Variants in RTKN2 observed in about 807,000 individuals in gnomAD.
The protein encoded by RTKN2 is rhotekin 2.
In RTKN2, 69 loss-of-function variants were observed where a neutral mutation model predicts 71.5. The observed-to-expected ratio is 0.96, with a 90% confidence interval of 0.79 to 1.18. RTKN2 has a LOEUF of 1.18. Ranked by LOEUF, RTKN2 falls within the 50% of genes most tolerant of loss-of-function variation. The pLI, the probability that RTKN2 is intolerant of heterozygous loss-of-function variation, is 0.00. For missense variants in RTKN2, 724 were observed against 719.7 expected (o/e 1.01, Z -0.07); for synonymous variants, 236 against 236.5 (o/e 1.00, Z 0.02).
intron 7 of RTKN2, 116 bp downstream of exon 7, chr10:62,223,122 C>A (rs1017704087): frequency 2.2e-5 from 12 of 546,434 alleles, no homozygotes; most frequent in Non-Finnish European, 3.9e-5. Flanking sequence ...TTTTAAAGAA[C>A]CAACAGAATC....
chr10:62,184,280 T>C, exon 9 of RTKN2: 1 of 1,258,990 alleles, frequency 7.9e-7, no homozygotes, highest in Non-Finnish European at 1.1e-6. Flanking sequence ...TCACATTGTA[T>C]TTTAAATTTT....
In RTKN2 at chr10:62,265,576, GTTT is replaced by G. The variant is rs11403722; in HGVS notation, c.61-2758_61-2756del. The stretch of plus-strand genomic sequence containing the variant: ...GTTTTCAATGTATTCTGAGCTGTTG[GTTT>G]TTTTTTTTTTCTTAAGGCTACTGTT... On this transcript the variant is annotated intron_variant, in intron 1 of 11. Transcript: ENST00000373789. Among the ~76,000 whole-genome samples, 3 of 146,464 alleles carry G rather than the reference GTTT, an allele frequency of 2.0e-5. No homozygotes were observed. In the South Asian group the frequency reaches 6.5e-4, roughly 31 times the overall value.
At chr10:62,243,080 C>A (rs184370365) in intron 3 of RTKN2, among the ~76,000 whole-genome samples, 1 of 150,454 alleles carries the variant, frequency 6.6e-6, no homozygotes, top group East Asian at 2.0e-4. Flanking sequence ...TATGCTGCAC[C>A]CATTAACTCA....
chr10:62,196,508 A>C lies in RTKN2; in HGVS notation c.*1400T>G. The C allele has an allele frequency of 1.0e-6, 1 of 985,388 alleles. No individual in the cohort carries two copies. Among genetic ancestry groups the C allele is most frequent in the African/African-American group, 1.7e-5 (1 of 57,380 alleles). The allele number at this position is 985,388 out of a possible 1,614,324, so 61.0% of individuals were successfully genotyped here. Reference sequence around the variant, plus strand: ...TAAATGGAAAAGACCCCGCTATCTGAAAATAATGAAAGGCTCCATTTAAAT... The same window carrying C: ...TAAATGGAAAAGACCCCGCTATCTGCAAATAATGAAAGGCTCCATTTAAAT... On this transcript the variant is annotated 3_prime_UTR_variant, in exon 12 of 12. Coordinates refer to ENST00000373789, the MANE Select transcript of RTKN2 (RefSeq NM_145307.4).
chr10:62,243,031 G>A (rs992410200), intron 3 of RTKN2, among the ~76,000 whole-genome samples: 6 of 151,420 alleles, frequency 4.0e-5, no homozygotes, highest in South Asian at 2.1e-4. Flanking sequence ...TGTGCACGAC[G>A]TGCAGGTTTG....
At chr10:62,246,255 C>G (rs953773655) in intron 2 of RTKN2, among the ~76,000 whole-genome samples, 198 bp from the exon 3 acceptor site, 3 of 152,230 alleles carry the variant, frequency 2.0e-5, no homozygotes, top group Middle Eastern at 3.4e-3. Flanking sequence ...TCTGGAGCCA[C>G]TCCCGATTTT....
intron 2 of RTKN2, 137 bp from the exon 3 acceptor site, chr10:62,246,194 T>C: frequency 1.7e-6 from 1 of 590,330 alleles, no homozygotes; most frequent in Non-Finnish European, 3.0e-6. Flanking sequence ...ATGTAAACTA[T>C]TTGACTCAAA....
chr10:62,220,507 A>T (rs1841882639), intron 7 of RTKN2, among the ~76,000 whole-genome samples: 1 of 152,242 alleles, frequency 6.6e-6, no homozygotes, highest in Non-Finnish European at 1.5e-5. Context: ...CAGATTTATG[A>T]ATAGCTTATG....
intron 6 of RTKN2, among the ~76,000 whole-genome samples, chr10:62,225,768 A>T (rs995253473): frequency 1.3e-5 from 2 of 151,160 alleles, no homozygotes; most frequent in African/African-American, 4.9e-5. Flanking sequence ...GTTCAGTAAC[A>T]ACTGTATTTT....
intron 2 of RTKN2, among the ~76,000 whole-genome samples, chr10:62,246,458 C>T (rs1052733299): frequency 1.3e-5 from 2 of 151,972 alleles, no homozygotes; most frequent in East Asian, 3.8e-4. Context: ...AGTTAATGAA[C>T]TTCCCAATCA....
At chr10:62,229,797 A>G (rs1039433859) in intron 6 of RTKN2, among the ~76,000 whole-genome samples, 1 of 152,226 alleles carries the variant, frequency 6.6e-6, no homozygotes, top group African/African-American at 2.4e-5. Flanking sequence ...GCCTTAAGAA[A>G]TGATTGTGAC....
At position 62,195,078 on chromosome 10, in the gene RTKN2, T is replaced by C; in HGVS notation, c.*2830A>G. Reference sequence around the variant, plus strand: ...ATATTAAAATACAAAAGTTACCACTTAGTAGCAATTAAAAATAATACTATC... The same window carrying C: ...ATATTAAAATACAAAAGTTACCACTCAGTAGCAATTAAAAATAATACTATC... On this transcript the variant is annotated 3_prime_UTR_variant, in exon 12 of 12. Coordinates refer to ENST00000373789, the MANE Select transcript of RTKN2 (RefSeq NM_145307.4). The C allele has an allele frequency of 9.1e-6, 9 of 984,182 alleles. No individual in the cohort carries two copies. Among genetic ancestry groups the C allele is most frequent in the Non-Finnish European group, 1.1e-5 (9 of 828,792 alleles). The allele number at this position is 984,182 out of a possible 1,614,324, so 61.0% of individuals were successfully genotyped here. A position where few individuals can be genotyped will look rare whatever the true frequency, so the allele number is the denominator to read the frequency against.
At chr10:62,200,163 G>A (rs1180895271) in intron 10 of RTKN2, among the ~76,000 whole-genome samples, 4 of 151,914 alleles carry the variant, frequency 2.6e-5, no homozygotes, top group Admixed American at 6.6e-5. Context: ...CAGGAGTCTT[G>A]ACCAGCCTGG....
chr10:62,262,851 G>A (rs1842799639), intron 1 of RTKN2, 30 bp from the exon 2 acceptor site: 2 of 1,473,152 alleles, frequency 1.4e-6, no homozygotes, highest in Non-Finnish European at 1.9e-6. Context: ...TGAAAATATA[G>A]CAAAAACCCA....
chr10:62,238,225 A>C (rs1425089662), intron 5 of RTKN2: 1 of 152,036 alleles, frequency 6.6e-6, no homozygotes, highest in Non-Finnish European at 1.5e-5. Flanking sequence ...AACAAATGTC[A>C]ATATTTAGAG....
intron 9 of RTKN2, among the ~76,000 whole-genome samples, chr10:62,211,540 T>C (rs1841658329): frequency 1.3e-5 from 2 of 152,204 alleles, no homozygotes; most frequent in African/African-American, 4.8e-5. Context: ...AAAATTATTT[T>C]CATGAGAAAA....
At position 62,262,006 on chromosome 10, in the gene RTKN2, A is replaced by C. The variant is rs1218767738; in HGVS notation, c.257+619T>G. ...TGTAAAAAGTTAGGATATAAATTTCATATACAAATCATAGATCTAATCTAA... is the reference window on the plus strand; with the variant it reads ...TGTAAAAAGTTAGGATATAAATTTCCTATACAAATCATAGATCTAATCTAA... On this transcript the variant is annotated intron_variant, in intron 2 of 11. Transcript: ENST00000373789. Among the ~76,000 whole-genome samples the C allele has an allele frequency of 2.0e-5, 3 of 152,368 alleles. No individual in the cohort carries two copies. In the South Asian group the frequency reaches 6.2e-4, roughly 32 times the overall value.
chr10:62,205,169 G>T, intron 9 of RTKN2, 147 bp from the exon 10 acceptor site: 1 of 645,836 alleles, frequency 1.5e-6, no homozygotes, highest in Non-Finnish European at 2.5e-6. Flanking sequence ...ATGTAATTTT[G>T]AGAATTTTTT....
chr10:62,231,099 T>C (rs1842139395), intron 6 of RTKN2, among the ~76,000 whole-genome samples: 1 of 152,216 alleles, frequency 6.6e-6, no homozygotes, highest in Admixed American at 6.5e-5. Context: ...TTTGGATGCA[T>C]GTTTTATAAC....
Sources: allele counts gnomAD v4.1 joint callset (sites outside exome capture counted in the v4.1 genomes callset), GRCh38; gene constraint gnomAD v4.1.1; transcripts MANE v1.5; gene names NCBI Gene and HGNC (gene_info 2026-07-23, HGNC 2026-07-21).